The following RELN variants were observed in gnomAD, a reference collection of about 807,000 sequenced individuals.
The protein encoded by RELN is reelin.
A neutral mutation model predicts 427.6 loss-of-function variants in RELN; 108 were observed. That is an observed-to-expected ratio of 0.25 (90% CI 0.22 to 0.30). The LOEUF is 0.30. Ranked by LOEUF, RELN falls within the 10% of genes least tolerant of loss-of-function variation. RELN has a pLI of 1.00. For missense variants in RELN, 3,715 were observed against 4,302.8 expected, an observed-to-expected ratio of 0.86 and a Z score of 3.82; for synonymous variants, 1,524 against 1,513.4, an observed-to-expected ratio of 1.01 and a Z score of -0.16.
intron 19 of RELN, among the ~76,000 whole-genome samples, chr7:103,630,810 C>T (rs1832437068): frequency 6.8e-6 from 1 of 147,900 alleles, no homozygotes; most frequent in Non-Finnish European, 1.5e-5. Flanking sequence ...AGGAAAGGTG[C>T]TTGCATTAAA....
chr7:103,866,871 C>A (rs6944760), intron 2 of RELN, among the ~76,000 whole-genome samples: 2 of 151,770 alleles, frequency 1.3e-5, no homozygotes, highest in East Asian at 1.9e-4. Flanking sequence ...CTGCTCCTAC[C>A]CTGACATACA....
rs1562993458 is a variant in RELN, at chr7:103,755,621, A to AT, written c.545-2408_545-2407insA. On this transcript the variant is annotated intron_variant, in intron 4 of 64. Coordinates refer to ENST00000428762, the MANE Select transcript of RELN (RefSeq NM_005045.4). ...AGACTCTGTCTCAAAAAAAAAATAA[A>AT]AAAAATAAAATAAATAAAATAAAAT... 5.1e-4 allele frequency among the ~76,000 whole-genome samples: 52 copies of AT among 102,584 alleles called. 1 individual carries two copies. The highest frequency in any genetic ancestry group is 5.8e-4 in the African/African-American group (15 of 25,904). 67.3% of individuals were successfully genotyped at this position (102,584 alleles called of 152,430 possible). A position where few individuals can be genotyped will look rare whatever the true frequency, so the allele number is the denominator to read the frequency against.
chr7:103,818,516 T>A (rs1351949579), intron 3 of RELN, among the ~76,000 whole-genome samples: 1 of 152,174 alleles, frequency 6.6e-6, no homozygotes, highest in African/African-American at 2.4e-5. Context: ...GATACTGGCC[T>A]TGATACAAAA....
chr7:103,521,069 C>T (rs1474129408), intron 48 of RELN, among the ~76,000 whole-genome samples: 4 of 146,812 alleles, frequency 2.7e-5, no homozygotes, highest in Non-Finnish European at 6.0e-5. Flanking sequence ...CTCCGCTTCC[C>T]GGGTTCACGC....
chr7:103,744,431 A>C lies in RELN; in HGVS notation c.656+4995T>G, dbSNP rs192770827. 8.4e-3 allele frequency among the ~76,000 whole-genome samples: 1,272 copies of C among 152,290 alleles called. 23 individuals are homozygous for C. Among genetic ancestry groups the C allele is most frequent in the African/African-American group, 0.029 (1,200 of 41,568 alleles). Reference sequence around the variant, plus strand: ...CTAAAATCAGAGCAGAACGGAAGGAAATGGAGACACAAAAAAACCCTTCAA... The same window carrying C: ...CTAAAATCAGAGCAGAACGGAAGGACATGGAGACACAAAAAAACCCTTCAA... On this transcript the variant is annotated intron_variant, in intron 6 of 64. Transcript: ENST00000428762.
intron 2 of RELN, among the ~76,000 whole-genome samples, chr7:103,840,180 C>T (rs1472492397): frequency 1.3e-5 from 2 of 152,166 alleles, no homozygotes; most frequent in African/African-American, 4.8e-5. Context: ...TTCTTTATAG[C>T]AGTGTCAGAA....
intron 13 of RELN, 104 bp downstream of exon 13, chr7:103,653,989 C>G (rs1033856289): frequency 1.3e-6 from 1 of 766,924 alleles, no homozygotes; most frequent in Non-Finnish European, 2.4e-6. Flanking sequence ...CCTGTCAGAA[C>G]AGGGATGTAT....
In RELN at chr7:103,915,263, C is replaced by T. The variant is rs148323580; in HGVS notation, c.337+1812G>A. Among the ~76,000 whole-genome samples the T allele has an allele frequency of 4.3e-4, 65 of 152,262 alleles. 1 individual carries two copies. The East Asian group carries it at 0.01, about 24-fold the overall frequency. On this transcript the variant is annotated intron_variant, in intron 2 of 64. Coordinates refer to ENST00000428762, the MANE Select transcript of RELN (RefSeq NM_005045.4). ...TACTCAAATACCATTTCCTCAGGAA[C>T]ACCTTTCCAAATTACACCACACTTT...
At chr7:103,774,418 C>T (rs147099293) in intron 4 of RELN, among the ~76,000 whole-genome samples, 1 of 151,894 alleles carries the variant, frequency 6.6e-6, no homozygotes, top group African/African-American at 2.4e-5. Flanking sequence ...ATATGTTTAG[C>T]AAGCAATACA....
chr7:103,882,546 C>T (rs534317728), intron 2 of RELN, among the ~76,000 whole-genome samples: 6 of 151,428 alleles, frequency 4.0e-5, no homozygotes, highest in Admixed American at 1.3e-4. Context: ...ATAGGTAAAC[C>T]GCTAACCAGA....
In RELN at chr7:103,968,771, A is replaced by G. The variant is rs1389097067; in HGVS notation, c.226+20360T>C. ...AATGATCATCCAAAAATGCTAAAGG[A>G]TGTCAAATTTACCATTGACATTCTG... On this transcript the variant is annotated intron_variant, in intron 1 of 64. Coordinates refer to ENST00000428762, the MANE Select transcript of RELN (RefSeq NM_005045.4). This position sits in a 1 kb window ranked among gnomAD's most constrained non-coding sequence, Gnocchi z 4.3. Among the ~76,000 whole-genome samples, 4 of 152,212 alleles carry G rather than the reference A, an allele frequency of 2.6e-5. No homozygotes were observed. The highest frequency in any genetic ancestry group is 9.6e-5 in the African/African-American group (4 of 41,458).
intron 2 of RELN, among the ~76,000 whole-genome samples, chr7:103,887,427 G>C (rs1794747839): frequency 6.6e-6 from 1 of 152,190 alleles, no homozygotes; most frequent in Non-Finnish European, 1.5e-5. Flanking sequence ...AGTTGCAGAA[G>C]AGAGGGAAGT....
chr7:103,761,421 A>T (rs1367805110), intron 4 of RELN, among the ~76,000 whole-genome samples: 1 of 152,168 alleles, frequency 6.6e-6, no homozygotes, highest in African/African-American at 2.4e-5. Context: ...ATGCAAAACA[A>T]TATCATTTGA....
chr7:103,519,556 T>C, intron 48 of RELN, 40 bp from the exon 49 acceptor site: 1 of 1,379,122 alleles, frequency 7.3e-7, no homozygotes, highest in Non-Finnish European at 1.0e-6. Context: ...TGATAAGGAA[T>C]CTCGATTGCA....
At chr7:103,793,500 T>C (rs1792218385) in intron 3 of RELN, among the ~76,000 whole-genome samples, 1 of 152,230 alleles carries the variant, frequency 6.6e-6, no homozygotes, top group South Asian at 2.1e-4. Flanking sequence ...CTCTTCTCAG[T>C]GTTTCATGAA....
intron 2 of RELN, among the ~76,000 whole-genome samples, chr7:103,861,502 A>C (rs1794070970): frequency 1.3e-5 from 2 of 152,184 alleles, no homozygotes; most frequent in African/African-American, 4.8e-5. Flanking sequence ...CTGCCTGACT[A>C]TATACTAGGT....
intron 17 of RELN, 61 bp from the exon 18 acceptor site, chr7:103,636,529 C>T: frequency 8.9e-7 from 1 of 1,123,576 alleles, no homozygotes; most frequent in Non-Finnish European, 1.3e-6. Flanking sequence ...ATTCTCGAAT[C>T]TACTTTGGGG....
chr7:103,834,006 G>C (rs1176511560), intron 2 of RELN, among the ~76,000 whole-genome samples: 3 of 152,164 alleles, frequency 2.0e-5, no homozygotes, highest in South Asian at 2.1e-4. Flanking sequence ...TGCAGCAAGG[G>C]AGACCAAACG....
At chr7:103,667,054 T>C (rs2115596309) in intron 11 of RELN, among the ~76,000 whole-genome samples, 1 of 152,342 alleles carries the variant, frequency 6.6e-6, no homozygotes, top group East Asian at 1.9e-4. Context: ...CCCTTTGTTT[T>C]AGGTATCTGC....
Sources: allele counts gnomAD v4.1 joint callset (sites outside exome capture counted in the v4.1 genomes callset), GRCh38; gene constraint gnomAD v4.1.1; non-coding constraint Gnocchi (gnomAD v3.1); transcripts MANE v1.5; gene names NCBI Gene and HGNC (gene_info 2026-07-23, HGNC 2026-07-21).